The following FAM13A variants were observed in gnomAD, a reference collection of about 807,000 sequenced individuals.
FAM13A encodes family with sequence similarity 13 member A, also known as protein FAM13A.
FAM13A carries 76 observed loss-of-function variants against 129.6 expected under a neutral mutation model. That is an observed-to-expected ratio of 0.59 (90% CI 0.49 to 0.71). FAM13A has a LOEUF of 0.71. Ranked by LOEUF, FAM13A falls within the 30% of genes least tolerant of loss-of-function variation. The pLI is 0.00. For synonymous variants in FAM13A, 443 were observed against 449.9 expected (o/e 0.98, Z 0.20); for missense variants, 1,108 against 1,249.3 (o/e 0.89, Z 1.70).
At chr4:88,788,722 G>A (rs770844752) in intron 9 of FAM13A, among the ~76,000 whole-genome samples, 4 of 152,006 alleles carry the variant, frequency 2.6e-5, no homozygotes, top group Non-Finnish European at 5.9e-5. Context: ...CAAATAAGCT[G>A]GTATGGAAAG....
chr4:88,984,939 T>C (rs1330154204), intron 4 of FAM13A, among the ~76,000 whole-genome samples: 1 of 152,210 alleles, frequency 6.6e-6, no homozygotes, highest in African/African-American at 2.4e-5. Flanking sequence ...CTCCTAGTTA[T>C]ATACCCAAGA....
intron 4 of FAM13A, among the ~76,000 whole-genome samples, chr4:88,960,556 C>T (rs1005487576): frequency 2.6e-5 from 4 of 152,102 alleles, no homozygotes; most frequent in African/African-American, 7.2e-5. Context: ...TGAATTTTTC[C>T]GCCACAACAA....
intron 14 of FAM13A, 137 bp downstream of exon 14, chr4:88,758,617 C>T (rs1012932123): frequency 1.7e-5 from 14 of 836,924 alleles, no homozygotes; most frequent in African/African-American, 1.4e-4. Context: ...CAAGGATTTT[C>T]GGTCATTTGG....
At chr4:88,952,820 C>T (rs533056394) in intron 4 of FAM13A, among the ~76,000 whole-genome samples, 4 of 152,052 alleles carry the variant, frequency 2.6e-5, no homozygotes, top group African/African-American at 7.2e-5. Context: ...TGTTGACGCA[C>T]ATCTGTAATC....
At chr4:89,041,101 G>A (rs1162684558) in intron 1 of FAM13A, among the ~76,000 whole-genome samples, 2 of 152,192 alleles carry the variant, frequency 1.3e-5, no homozygotes, top group Non-Finnish European at 2.9e-5. Context: ...GTGAGTATAA[G>A]GGAGATAAAG....
chr4:88,740,521 G>A (rs1005339758), intron 19 of FAM13A, among the ~76,000 whole-genome samples: 2 of 152,220 alleles, frequency 1.3e-5, no homozygotes, highest in African/African-American at 4.8e-5. Context: ...AATGGGGAAT[G>A]AGATGAAGTA....
At position 88,883,603 on chromosome 4, in the gene FAM13A, A is replaced by G. The variant is rs146445740; in HGVS notation, c.843+22776T>C. Among the ~76,000 whole-genome samples the G allele has an allele frequency of 3.3e-3, 503 of 152,258 alleles. 1 individual carries two copies. Among genetic ancestry groups the G allele is most frequent in the Non-Finnish European group, 4.7e-3 (320 of 67,990 alleles). ...ACAATCTAAGGTCACACCTCAAGGA[A>G]CTGGAGAAACAAGAACAAACTAAAC... is the stretch of plus-strand genomic sequence containing the variant. On this transcript the variant is annotated intron_variant, in intron 6 of 23. Transcript: ENST00000264344.
chr4:88,911,212 C>T (rs1749044662), intron 5 of FAM13A, among the ~76,000 whole-genome samples: 1 of 152,180 alleles, frequency 6.6e-6, no homozygotes, highest in African/African-American at 2.4e-5. Context: ...TAATTTCTTT[C>T]CTCCAGTCTC....
intron 1 of FAM13A, among the ~76,000 whole-genome samples, chr4:89,032,713 C>T (rs1279583145): frequency 6.6e-6 from 1 of 152,170 alleles, no homozygotes; most frequent in Admixed American, 6.5e-5. Context: ...GACACTTAGT[C>T]TCCACTTGTC....
intron 5 of FAM13A, among the ~76,000 whole-genome samples, chr4:88,921,878 A>G (rs1379536566): frequency 6.6e-6 from 1 of 152,108 alleles, no homozygotes; most frequent in African/African-American, 2.4e-5. Flanking sequence ...AATGGAAAAC[A>G]AAAAAAGGCA....
intron 7 of FAM13A, among the ~76,000 whole-genome samples, chr4:88,826,353 A>G (rs1441919408): frequency 6.7e-6 from 1 of 149,910 alleles, no homozygotes; most frequent in East Asian, 2.0e-4. Flanking sequence ...CCTCCTGAGC[A>G]TTTAGTTATT....
chr4:88,768,593 C>T (rs1746165555), intron 11 of FAM13A, among the ~76,000 whole-genome samples: 2 of 151,966 alleles, frequency 1.3e-5, no homozygotes, highest in Admixed American at 1.3e-4. Context: ...TATATATGCA[C>T]ACACACATAT....
intron 7 of FAM13A, among the ~76,000 whole-genome samples, chr4:88,833,711 C>T (rs1052241544): frequency 6.6e-6 from 1 of 151,918 alleles, no homozygotes. Context: ...CATGGTGAAA[C>T]CCCATCTCCA....
rs571049575 is a variant in FAM13A, at chr4:89,051,745, C to T, written c.27+5193G>A. 1.4e-3 allele frequency among the ~76,000 whole-genome samples: 215 copies of T among 152,234 alleles called. 2 individuals carry two copies. Among genetic ancestry groups the T allele is most frequent in the African/African-American group, 5.0e-3 (209 of 41,538 alleles). On this transcript the variant is annotated intron_variant, in intron 1 of 23. Transcript: ENST00000264344. The stretch of plus-strand genomic sequence containing the variant: ...TGGGTCAGGCATAGGATAAACACTC[C>T]CATTCAAGAAAGGGAAATAGAAAAG...
At chr4:88,872,646 A>G (rs1741622478) in intron 6 of FAM13A, among the ~76,000 whole-genome samples, 1 of 152,248 alleles carries the variant, frequency 6.6e-6, no homozygotes, top group South Asian at 2.1e-4. Flanking sequence ...GCAAGTCCTT[A>G]GACACCTGCA....
chr4:88,849,281 CA>C (rs1737166363), intron 7 of FAM13A, among the ~76,000 whole-genome samples: 1 of 152,134 alleles, frequency 6.6e-6, no homozygotes, highest in South Asian at 2.1e-4. Context: ...ACCAACACTG[CA>C]ATTGCCTCCC....
chr4:88,991,296 A>T (rs1279356412), intron 3 of FAM13A, 146 bp from the exon 4 acceptor site: 3 of 578,676 alleles, frequency 5.2e-6, no homozygotes, highest in Non-Finnish European at 8.8e-6. Flanking sequence ...ACTTTATGTT[A>T]AAGAATTACT....
chr4:88,833,298 G>A (rs1734223826), intron 7 of FAM13A, among the ~76,000 whole-genome samples: 1 of 152,200 alleles, frequency 6.6e-6, no homozygotes, highest in South Asian at 2.1e-4. Flanking sequence ...TGGGTTGACA[G>A]GTGCTGCAAA....
At position 88,921,095 on chromosome 4, in the gene FAM13A, G is replaced by A. The variant is rs949976202; in HGVS notation, c.760-14633C>T. 8.5e-5 allele frequency among the ~76,000 whole-genome samples: 13 copies of A among 152,098 alleles called. 1 individual carries two copies. In the South Asian group the frequency reaches 1.2e-3, roughly 15 times the overall value. On this transcript the variant is annotated intron_variant, in intron 5 of 23. Coordinates refer to ENST00000264344, the MANE Select transcript of FAM13A (RefSeq NM_014883.4). The stretch of plus-strand genomic sequence containing the variant: ...TCTGATTGGTGTACCTGAAAGTGAC[G>A]GGGAGAATGGAACCAAGTTGGAAAC...
Sources: allele counts gnomAD v4.1 joint callset (sites outside exome capture counted in the v4.1 genomes callset), GRCh38; gene constraint gnomAD v4.1.1; transcripts MANE v1.5; gene names NCBI Gene and HGNC (gene_info 2026-07-23, HGNC 2026-07-21).